IKZF2: variants seen among roughly 807,000 people sequenced by gnomAD.
IKZF2 encodes the protein zinc finger protein Helios.
IKZF2 carries 15 observed loss-of-function variants against 49.2 expected under a neutral mutation model. The ratio of observed to expected loss-of-function variants is 0.30; its 90% CI spans 0.20 to 0.47. The LOEUF is 0.47. Ranked by LOEUF, IKZF2 falls within the 20% of genes least tolerant of loss-of-function variation. The pLI is 1.00. For synonymous variants in IKZF2, 227 were observed against 221.4 expected (o/e 1.03, Z -0.23); for missense variants, 567 against 664.6 (o/e 0.85, Z 1.61).
At chr2:213,070,376 T>C (rs545772995) in intron 4 of IKZF2, among the ~76,000 whole-genome samples, 49 of 152,190 alleles carry the variant, frequency 3.2e-4, no homozygotes, top group African/African-American at 1.1e-3. Flanking sequence ...CTTTTACAGA[T>C]AGAAAACTTA....
intron 4 of IKZF2, among the ~76,000 whole-genome samples, chr2:213,062,671 C>T (rs1407002331): frequency 1.3e-5 from 2 of 151,844 alleles, no homozygotes; most frequent in Non-Finnish European, 2.9e-5. Context: ...CAAGTGGGCA[C>T]TTAAGGGATT....
intron 4 of IKZF2, among the ~76,000 whole-genome samples, chr2:213,128,579 G>A (rs906364710): frequency 3.3e-5 from 5 of 152,014 alleles, no homozygotes; most frequent in Non-Finnish European, 7.4e-5. Flanking sequence ...AGTGTATCAT[G>A]TAAAGCAAGG....
At chr2:213,085,549 T>C (rs1350212007) in intron 4 of IKZF2, among the ~76,000 whole-genome samples, 1 of 152,178 alleles carries the variant, frequency 6.6e-6, no homozygotes. Flanking sequence ...AGTTTATTCA[T>C]CAACTCATGA....
intron 4 of IKZF2, among the ~76,000 whole-genome samples, chr2:213,069,701 C>T (rs1476088185): frequency 6.6e-6 from 1 of 152,062 alleles, no homozygotes; most frequent in Non-Finnish European, 1.5e-5. Flanking sequence ...ATTTTATGTG[C>T]CTTCCATTTT....
intron 4 of IKZF2, among the ~76,000 whole-genome samples, chr2:213,135,982 G>A (rs571403205): frequency 6.7e-6 from 1 of 149,174 alleles, no homozygotes; most frequent in East Asian, 2.0e-4. Context: ...CCCAGGAGGC[G>A]GAGGTTGCAG....
At chr2:213,009,694 T>C (rs1695733367) in intron 8 of IKZF2, among the ~76,000 whole-genome samples, 2 of 152,202 alleles carry the variant, frequency 1.3e-5, no homozygotes, top group South Asian at 2.1e-4. Flanking sequence ...GAAGGAACAA[T>C]AGCAATTTAA....
At position 213,049,892 on chromosome 2, in the gene IKZF2, A is replaced by G; in HGVS notation, c.407-12T>C. ...GAAGGGGCGTTCACCTGCAGTAAGG[A>G]GAAGAAATGGGAAGTATCAACTAGG... is the stretch of plus-strand genomic sequence containing the variant. On this transcript the variant is annotated splice_polypyrimidine_tract_variant and intron_variant, in intron 5 of 8. Coordinates refer to ENST00000434687, the MANE Select transcript of IKZF2 (RefSeq NM_001387220.1). 2.6e-6 allele frequency: 4 copies of G among 1,535,786 alleles called. No individual in the cohort carries two copies. Among genetic ancestry groups the G allele is most frequent in the Non-Finnish European group, 3.5e-6 (4 of 1,132,862 alleles).
At chr2:213,061,952 T>C (rs182209348) in intron 4 of IKZF2, among the ~76,000 whole-genome samples, 3 of 151,724 alleles carry the variant, frequency 2.0e-5, no homozygotes, top group Admixed American at 6.6e-5. Flanking sequence ...TACTACTTTT[T>C]ATGCTATAAC....
At chr2:213,139,194 G>C (rs942869662) in intron 4 of IKZF2, among the ~76,000 whole-genome samples, 3 of 151,848 alleles carry the variant, frequency 2.0e-5, no homozygotes, top group African/African-American at 7.3e-5. Context: ...TATTAATATA[G>C]GTTACAGACT....
At chr2:213,079,856 T>C (rs1703735698) in intron 4 of IKZF2, among the ~76,000 whole-genome samples, 1 of 152,210 alleles carries the variant, frequency 6.6e-6, no homozygotes, top group Admixed American at 6.5e-5. Context: ...CAGCTTTCTA[T>C]GACATACCCT....
chr2:213,026,022 T>C (rs1350506577), intron 6 of IKZF2, among the ~76,000 whole-genome samples: 1 of 152,108 alleles, frequency 6.6e-6, no homozygotes, highest in Non-Finnish European at 1.5e-5. Flanking sequence ...GTAATTATTT[T>C]ATTCCTCTCT....
intron 4 of IKZF2, among the ~76,000 whole-genome samples, chr2:213,077,580 C>CTTTTTT (rs58528665): frequency 4.0e-4 from 24 of 59,462 alleles, no homozygotes; most frequent in Non-Finnish European, 5.8e-4. Context: ...ATTCTATGTA[C>CTTTTTT]TTTTTTTTTT....
intron 4 of IKZF2, among the ~76,000 whole-genome samples, chr2:213,129,988 C>T (rs1026346681): frequency 3.3e-5 from 5 of 152,146 alleles, no homozygotes; most frequent in African/African-American, 1.2e-4. Context: ...AGAAGAGGAC[C>T]TGTACATAAA....
At chr2:213,130,508 C>T (rs1233507309) in intron 4 of IKZF2, among the ~76,000 whole-genome samples, 1 of 152,054 alleles carries the variant, frequency 6.6e-6, no homozygotes, top group Admixed American at 6.6e-5. Flanking sequence ...CCTTAAGACC[C>T]ACCCAAGCAG....
At chr2:213,125,567 G>C (rs1022914912) in intron 4 of IKZF2, among the ~76,000 whole-genome samples, 1 of 152,138 alleles carries the variant, frequency 6.6e-6, no homozygotes, top group East Asian at 1.9e-4. Context: ...ACTTTCCAAA[G>C]AGCAATTTGG....
chr2:213,021,868 C>T, intron 7 of IKZF2, 125 bp downstream of exon 7: 1 of 1,006,794 alleles, frequency 9.9e-7, no homozygotes, highest in Non-Finnish European at 1.4e-6. Context: ...CAATGTATCC[C>T]AAAGCTCAAC....
At position 213,003,242 on chromosome 2, in the gene IKZF2, G is replaced by A. The variant is rs1235385625; in HGVS notation, c.*4118C>T. On this transcript the variant is annotated 3_prime_UTR_variant, in exon 9 of 9. Transcript: ENST00000434687. Reference sequence around the variant, plus strand: ...TAAGTATTTAATACATTAAATTCAGGATTTAGGAGACCAGTTACTGTATAT... The same window carrying A: ...TAAGTATTTAATACATTAAATTCAGAATTTAGGAGACCAGTTACTGTATAT... The A allele has an allele frequency of 6.6e-6, 1 of 152,064 alleles. No individual in the cohort carries two copies. Among genetic ancestry groups the A allele is most frequent in the Non-Finnish European group, 1.5e-5 (1 of 67,672 alleles). 9.4% of individuals were successfully genotyped at this position (152,064 alleles called of 1,614,324 possible). A position where few individuals can be genotyped will look rare whatever the true frequency, so the allele number is the denominator to read the frequency against.
chr2:213,118,457 T>C (rs1448958505), intron 4 of IKZF2, among the ~76,000 whole-genome samples: 2 of 152,218 alleles, frequency 1.3e-5, no homozygotes, highest in Non-Finnish European at 2.9e-5. Context: ...TTTGTAAATG[T>C]GTTCTATATT....
chr2:213,150,353 A>T (rs1375910344), intron 1 of IKZF2, 106 bp from the exon 2 acceptor site: 6 of 369,114 alleles, frequency 1.6e-5, no homozygotes, highest in Admixed American at 3.8e-5. Context: ...GTTCAAGGGG[A>T]GGAGGAAGGA....
Sources: gnomAD v4.1 joint callset for allele counts (sites outside exome capture counted in the v4.1 genomes callset) on GRCh38, gnomAD v4.1.1 for gene constraint, MANE v1.5 for transcripts, NCBI Gene and HGNC (gene_info 2026-07-23, HGNC 2026-07-21) for gene names.